The following TMCO1 variants were observed in gnomAD, a reference collection of about 807,000 sequenced individuals.
TMCO1 encodes transmembrane and coiled-coil domains 1.
Under a neutral mutation model 29.3 loss-of-function variants are expected in TMCO1, and 29 were observed. That is an observed-to-expected ratio of 0.99 (90% CI 0.74 to 1.35). TMCO1 has a LOEUF of 1.35. Among genes scored for constraint, TMCO1 ranks in the 40% most tolerant of loss-of-function variants. The pLI is 0.00. For synonymous variants in TMCO1, 80 were observed against 77.1 expected, an observed-to-expected ratio of 1.04 and a Z score of -0.20; for missense variants, 173 against 225.5, an observed-to-expected ratio of 0.77 and a Z score of 1.49.
At position 165,729,645 on chromosome 1, in the gene TMCO1, A is replaced by C. The variant is rs375558226; in HGVS notation, c.469-1524T>G. Among the ~76,000 whole-genome samples the C allele has an allele frequency of 1.6e-4, 24 of 152,268 alleles. No individual in the cohort carries two copies. In the East Asian group the frequency reaches 4.2e-3, roughly 27 times the overall value. ...AATGTAGCATTTTATAAGAGGAAAA[A>C]AACCTTAGAGATCCTGATTATTCTT... On this transcript the variant is annotated intron_variant, in intron 6 of 6. Transcript: ENST00000367881.
Position 165,743,210 on chromosome 1 carries a change from G to C in TMCO1, c.425C>G (p.Ser142Cys). The C allele has an allele frequency of 6.2e-7, 1 of 1,613,610 alleles. No homozygotes were observed. Among genetic ancestry groups the C allele is most frequent in the Non-Finnish European group, 8.5e-7 (1 of 1,179,928 alleles). ...NLLGDDTTDCSFIFLYILCTM... is the reference protein window; with the variant it reads ...NLLGDDTTDCCFIFLYILCTM... ...ACAGAGAATATACAGGAAAATGAAG[G>C]AACAGTCTGTGGTGTCATCTCCCAG... The change falls in exon 6 of 7, where the codon TCC (serine) becomes TGC (cysteine). Residue 142 changes from serine (S) to cysteine (C), a missense_variant. Physicochemically the swap from Ser to Cys is moderately radical, Grantham distance 112 (BLOSUM62 -1). Coordinates refer to ENST00000367881, the MANE Select transcript of TMCO1 (RefSeq NM_019026.6).
downstream of TMCO1, chr1:165,726,263 C>T (rs1327897681): frequency 5.7e-6 from 4 of 698,020 alleles, no homozygotes; most frequent in African/African-American, 5.3e-5. Context: ...TCTGATAAAA[C>T]TAGTCTCAGA....
At chr1:165,767,639 G>C (rs1272343491) in intron 2 of TMCO1, among the ~76,000 whole-genome samples, 1 of 151,990 alleles carries the variant, frequency 6.6e-6, no homozygotes, top group African/African-American at 2.4e-5. Context: ...AAGGCCATCA[G>C]CATCATGAAG....
At chr1:165,746,452 A>G (rs963909109) in intron 5 of TMCO1, among the ~76,000 whole-genome samples, 1 of 61,676 alleles carries the variant, frequency 1.6e-5, no homozygotes, top group Non-Finnish European at 3.1e-5. Flanking sequence ...GAAGACCTAT[A>G]TCACACACAC....
chr1:165,741,793 G>A (rs1212898285), intron 6 of TMCO1, among the ~76,000 whole-genome samples: 2 of 152,116 alleles, frequency 1.3e-5, no homozygotes, highest in Admixed American at 6.5e-5. Flanking sequence ...GAGTTCTCAC[G>A]AGATCTGGTT....
At chr1:165,742,919 T>C (rs917619201) in intron 6 of TMCO1, among the ~76,000 whole-genome samples, 3 of 152,180 alleles carry the variant, frequency 2.0e-5, no homozygotes, top group Non-Finnish European at 4.4e-5. Flanking sequence ...AGAAGGAGCC[T>C]GAGAGCTCTA....
In TMCO1 at chr1:165,726,930, G is replaced by T. The variant is rs939615999; in HGVS notation, c.*1093C>A. 2.4e-5 allele frequency: 11 copies of T among 453,918 alleles called. No individual in the cohort carries two copies. Among genetic ancestry groups the T allele is most frequent in the Non-Finnish European group, 4.9e-5 (11 of 226,776 alleles). The allele number at this position is 453,918 out of a possible 1,614,324, so 28.1% of individuals were successfully genotyped here. ...ACTTTATGGTGCTGATAAGAAAGAA[G>T]TTTGCTGTTGGTTTAACAATGATTA... On this transcript the variant is annotated 3_prime_UTR_variant, in exon 7 of 7. Coordinates refer to ENST00000367881, the MANE Select transcript of TMCO1 (RefSeq NM_019026.6).
At chr1:165,768,472 T>G (rs1652664767) in intron 1 of TMCO1, 6 of 1,541,234 alleles carry the variant, frequency 3.9e-6, no homozygotes, top group Non-Finnish European at 5.2e-6. Flanking sequence ...AATACCCAAG[T>G]GAAATCTACC....
At chr1:165,725,851 C>T (rs972631467), downstream of TMCO1, 13 of 498,042 alleles carry the variant, frequency 2.6e-5, no homozygotes, top group Non-Finnish European at 4.3e-5. Flanking sequence ...AGTGAATATA[C>T]ATAAGCAGAA....
At chr1:165,754,936 G>T (rs1032039506) in intron 3 of TMCO1, 3 of 152,558 alleles carry the variant, frequency 2.0e-5, no homozygotes, top group African/African-American at 7.2e-5. Flanking sequence ...TGAGGCTGCA[G>T]TGGGCCATGA....
At chr1:165,749,543 A>T (rs1364390093) in intron 5 of TMCO1, among the ~76,000 whole-genome samples, 1 of 152,232 alleles carries the variant, frequency 6.6e-6, no homozygotes, top group Non-Finnish European at 1.5e-5. Flanking sequence ...TCATGCCTGT[A>T]ACCCCAACAC....
intron 3 of TMCO1, among the ~76,000 whole-genome samples, chr1:165,758,794 TC>T (rs913181305): frequency 6.6e-6 from 1 of 152,138 alleles, no homozygotes; most frequent in African/African-American, 2.4e-5. Flanking sequence ...TTAAAAAACA[TC>T]CAGGATCGCT....
intron 3 of TMCO1, among the ~76,000 whole-genome samples, chr1:165,757,494 T>A (rs1652234965): frequency 6.6e-6 from 1 of 152,224 alleles, no homozygotes; most frequent in Non-Finnish European, 1.5e-5. Flanking sequence ...CAACTCTTCA[T>A]AAATACTACT....
intron 5 of TMCO1, among the ~76,000 whole-genome samples, chr1:165,750,355 C>T (rs750720433): frequency 1.4e-4 from 22 of 151,856 alleles, no homozygotes; most frequent in Non-Finnish European, 2.5e-4. Context: ...GCCTGGCCAA[C>T]ATGGTGAAAA....
At chr1:165,752,252 ATTTTTTTTTT>A (rs773982057) in intron 4 of TMCO1, 83 bp from the exon 5 acceptor site, 3 of 427,960 alleles carry the variant, frequency 7.0e-6, no homozygotes, top group Non-Finnish European at 8.0e-6. Context: ...GTTTCATGTC[ATTTTTTTTTT>A]TTTTTTTTTT....
chr1:165,743,466 T>G (rs1386641067), intron 5 of TMCO1, among the ~76,000 whole-genome samples, 155 bp from the exon 6 acceptor site: 1 of 152,170 alleles, frequency 6.6e-6, no homozygotes, highest in African/African-American at 2.4e-5. Context: ...ATGAACCTGA[T>G]GTACGGTGAT....
At position 165,726,958 on chromosome 1, in the gene TMCO1, T is replaced by C. The variant is rs1244126698; in HGVS notation, c.*1065A>G. ...TGCTGTTGGTTTAACAATGATTACCTTGAAAATTATGTGTTTTTTCTCACT... is the reference window on the plus strand; with the variant it reads ...TGCTGTTGGTTTAACAATGATTACCCTGAAAATTATGTGTTTTTTCTCACT... On this transcript the variant is annotated 3_prime_UTR_variant, in exon 7 of 7. Transcript: ENST00000367881. 2.2e-6 allele frequency: 1 copy of C among 454,096 alleles called. No homozygotes were observed. The highest frequency in any genetic ancestry group is 1.6e-5 in the South Asian group (1 of 64,478). 28.1% of individuals were successfully genotyped at this position (454,096 alleles called of 1,614,324 possible).
intron 5 of TMCO1, 40 bp downstream of exon 5, chr1:165,752,062 G>A: frequency 1.4e-6 from 2 of 1,443,544 alleles, no homozygotes; most frequent in South Asian, 1.1e-5. Context: ...CAAATATAGA[G>A]TAATAGTTAT....
intron 6 of TMCO1, among the ~76,000 whole-genome samples, chr1:165,732,659 A>C (rs1051973202): frequency 6.6e-6 from 1 of 151,870 alleles, no homozygotes; most frequent in African/African-American, 2.4e-5. Context: ...TAACAAATGT[A>C]CCACTCTGGT....
Sources: allele counts gnomAD v4.1 joint callset (sites outside exome capture counted in the v4.1 genomes callset), GRCh38; gene constraint gnomAD v4.1.1; transcripts MANE v1.5; gene names NCBI Gene and HGNC (gene_info 2026-07-23, HGNC 2026-07-21).